FGGY: variants seen among roughly 807,000 people sequenced by gnomAD.
The protein encoded by FGGY is FGGY carbohydrate kinase domain-containing protein.
Under a neutral mutation model 71.3 loss-of-function variants are expected in FGGY, and 72 were observed. The ratio of observed to expected loss-of-function variants is 1.01; its 90% CI spans 0.84 to 1.23. The LOEUF (loss-of-function observed/expected upper bound fraction) is 1.23, where lower values mean the gene tolerates loss of function less well. FGGY is among the 50% of genes most tolerant of loss of function. The probability of loss-of-function intolerance (pLI) is 0.00; values close to 1 mark genes in which losing one functional copy is unlikely to be tolerated. For synonymous variants in FGGY, 251 were observed against 250.3 expected (o/e 1.00, Z -0.02); for missense variants, 668 against 682.3 (o/e 0.98, Z 0.23).
intron 2 of FGGY, among the ~76,000 whole-genome samples, chr1:59,328,818 G>C (rs1262796048): frequency 6.6e-6 from 1 of 151,990 alleles, no homozygotes; most frequent in Non-Finnish European, 1.5e-5. Flanking sequence ...TCCCTAAGGA[G>C]AGGGAGAGAG....
chr1:59,599,140 G>T (rs1279603662), intron 8 of FGGY, among the ~76,000 whole-genome samples: 1 of 152,076 alleles, frequency 6.6e-6, no homozygotes, highest in Admixed American at 6.5e-5. Flanking sequence ...GTCTCACCCT[G>T]TCGCCCAGGA....
chr1:59,514,560 GGCTGTGT>G (rs2094594106), intron 7 of FGGY, among the ~76,000 whole-genome samples: 3 of 152,288 alleles, frequency 2.0e-5, no homozygotes, highest in Non-Finnish European at 2.9e-5. Flanking sequence ...GATATGGTTT[GGCTGTGT>G]CCCCATTCAA....
intron 5 of FGGY, among the ~76,000 whole-genome samples, chr1:59,447,621 TCTC>T (rs953304531): frequency 1.4e-4 from 22 of 152,104 alleles, no homozygotes; most frequent in Non-Finnish European, 2.6e-4. Context: ...TGGGGCTGTT[TCTC>T]CTCCTGCTGT....
chr1:59,734,796 G>T (rs2098085958), intron 14 of FGGY, among the ~76,000 whole-genome samples: 1 of 152,164 alleles, frequency 6.6e-6, no homozygotes, highest in Non-Finnish European at 1.5e-5. Context: ...TCGGGAGCTG[G>T]TTGTGGGCTC....
chr1:59,638,256 A>G lies in FGGY; in HGVS notation c.1102A>G (p.Ser368Gly). The G allele has an allele frequency of 2.5e-6, 4 of 1,614,174 alleles. No homozygotes were observed. The highest frequency in any genetic ancestry group is 3.4e-6 in the Non-Finnish European group (4 of 1,180,014). Residue 368 changes from serine to glycine, a missense_variant, in exon 11 of 16, where the codon AGT becomes GGT. Coordinates refer to ENST00000303721, the MANE Select transcript of FGGY (RefSeq NM_018291.5). ...CCAGAGTATATATGCATATTTGAACAGTCACCTGGATCTGATTAAGAAGGC... is the reference window on the plus strand; with the variant it reads ...CCAGAGTATATATGCATATTTGAACGGTCACCTGGATCTGATTAAGAAGGC... ...RCQSIYAYLN[S>G]HLDLIKKAQP... is the part of the protein sequence containing the mutation.
Position 59,712,781 on chromosome 1 carries a change from C to T in FGGY, c.1512+38648C>T, listed in dbSNP as rs542585104. 2.6e-5 allele frequency among the ~76,000 whole-genome samples: 4 copies of T among 152,282 alleles called. No homozygotes were observed. In the East Asian group the frequency reaches 5.8e-4, roughly 22 times the overall value. ...AACATCACTTTTTCCTCTTAGGCCT[C>T]CAGGCTTGTGATGGGAGGGGCTGCC... On this transcript the variant is annotated intron_variant, in intron 14 of 15. Coordinates refer to ENST00000303721, the MANE Select transcript of FGGY (RefSeq NM_018291.5).
intron 4 of FGGY, among the ~76,000 whole-genome samples, chr1:59,356,893 G>C (rs192870980): frequency 6.6e-6 from 1 of 152,274 alleles, no homozygotes; most frequent in Admixed American, 6.5e-5. Flanking sequence ...CCTCTCCACT[G>C]TGTCTTTGGA....
At chr1:59,685,710 G>A (rs1272853107) in intron 14 of FGGY, among the ~76,000 whole-genome samples, 1 of 152,132 alleles carries the variant, frequency 6.6e-6, no homozygotes, top group East Asian at 1.9e-4. Flanking sequence ...AAATATCTAT[G>A]GGACAGATCT....
chr1:59,477,477 G>A (rs1362571251), intron 6 of FGGY, among the ~76,000 whole-genome samples: 1 of 152,184 alleles, frequency 6.6e-6, no homozygotes, highest in Non-Finnish European at 1.5e-5. Context: ...ATTGATCCCA[G>A]AAGTTTGCCT....
intron 8 of FGGY, among the ~76,000 whole-genome samples, chr1:59,588,445 GCC>G (rs1558455307): frequency 1.7e-3 from 259 of 152,008 alleles, no homozygotes; most frequent in African/African-American, 5.9e-3. Flanking sequence ...TACAGAGAAC[GCC>G]ACAAAGATAC....
intron 14 of FGGY, among the ~76,000 whole-genome samples, chr1:59,746,283 T>G (rs1333008210): frequency 1.3e-5 from 2 of 152,138 alleles, no homozygotes; most frequent in Non-Finnish European, 2.9e-5. Context: ...AATACTTGTC[T>G]GGAAATGATA....
At chr1:59,534,598 T>A (rs1570823487) in intron 7 of FGGY, among the ~76,000 whole-genome samples, 1 of 152,084 alleles carries the variant, frequency 6.6e-6, no homozygotes, top group East Asian at 1.9e-4. Flanking sequence ...AGGGTTATCC[T>A]CAAAGGGAAG....
intron 8 of FGGY, among the ~76,000 whole-genome samples, chr1:59,568,702 A>T (rs773549176): frequency 4.6e-5 from 7 of 152,076 alleles, no homozygotes; most frequent in Non-Finnish European, 8.8e-5. Context: ...TTAATAGATT[A>T]TGACTCCTCT....
intron 6 of FGGY, among the ~76,000 whole-genome samples, chr1:59,486,214 G>GCCTGA (rs570693720): frequency 7.4e-4 from 112 of 152,272 alleles, no homozygotes; most frequent in African/African-American, 2.4e-3. Context: ...AGGAGACAAG[G>GCCTGA]CCTGAACACT....
At chr1:59,477,645 G>A (rs17119503) in intron 6 of FGGY, among the ~76,000 whole-genome samples, 1 of 152,010 alleles carries the variant, frequency 6.6e-6, no homozygotes, top group Non-Finnish European at 1.5e-5. Flanking sequence ...ATTTTCATAC[G>A]CTTTTAGCTG....
At chr1:59,524,071 C>G (rs554658885) in intron 7 of FGGY, among the ~76,000 whole-genome samples, 1 of 152,352 alleles carries the variant, frequency 6.6e-6, no homozygotes, top group Admixed American at 6.5e-5. Flanking sequence ...GGAAGCCCCC[C>G]TTCCTTTGCA....
rs887515490 is a variant in FGGY, at chr1:59,667,373, C to T, written c.1387C>T (p.Leu463Phe). The change falls in exon 13 of 16, where the codon CTT becomes TTT. Residue 463 changes from leucine (L) to phenylalanine (F), a missense_variant. Transcript: ENST00000303721. ...FLCGGLSKNP[L>F]FVQMHADITG... ...ATGTGGAGGCCTCAGCAAGAATCCC[C>T]TTTTTGTGCAAATGCATGCGGACAT... 6.2e-7 allele frequency: 1 copy of T among 1,614,136 alleles called. No individual in the cohort carries two copies. The highest frequency in any genetic ancestry group is 8.5e-7 in the Non-Finnish European group (1 of 1,180,014).
intron 13 of FGGY, among the ~76,000 whole-genome samples, chr1:59,671,083 C>T (rs2097373206): frequency 6.6e-6 from 1 of 152,168 alleles, no homozygotes; most frequent in African/African-American, 2.4e-5. Context: ...GTGTGCCAAG[C>T]CCTGAGGTTG....
chr1:59,742,087 A>G (rs1335145779), intron 14 of FGGY, among the ~76,000 whole-genome samples: 4 of 152,190 alleles, frequency 2.6e-5, no homozygotes, highest in Non-Finnish European at 5.9e-5. Context: ...TCGGTGACAG[A>G]GCAAAACCCT....
Sources: allele counts gnomAD v4.1 joint callset (sites outside exome capture counted in the v4.1 genomes callset), GRCh38; gene constraint gnomAD v4.1.1; transcripts MANE v1.5; gene names NCBI Gene and HGNC (gene_info 2026-07-23, HGNC 2026-07-21).